ADCY9: variants seen among roughly 807,000 people sequenced by gnomAD.
ADCY9 encodes the protein adenylate cyclase 9.
In ADCY9, 50 loss-of-function variants were observed where a neutral mutation model predicts 101.5. The ratio of observed to expected loss-of-function variants is 0.49; its 90% CI spans 0.39 to 0.62. ADCY9 has a LOEUF of 0.62. Among genes scored for constraint, ADCY9 ranks in the 20% least tolerant of loss-of-function variants. The pLI is 0.00. For synonymous variants in ADCY9, 905 were observed against 769.3 expected (o/e 1.18, Z -2.92); for missense variants, 1,662 against 1,800.4 (o/e 0.92, Z 1.39).
chr16:4,097,551 ATAT>A (rs1469553672), intron 2 of ADCY9, among the ~76,000 whole-genome samples: 5 of 51,034 alleles, frequency 9.8e-5, no homozygotes, highest in African/African-American at 3.2e-4. Context: ...ATATATATAT[ATAT>A]TTTTTTTTTT....
intron 3 of ADCY9, among the ~76,000 whole-genome samples, chr16:3,998,391 A>T (rs2056303894): frequency 6.6e-6 from 1 of 152,070 alleles, no homozygotes; most frequent in Non-Finnish European, 1.5e-5. Context: ...AGACTGGGTC[A>T]TAGAGCAAGA....
At chr16:3,967,331 CTTTTCTTTTTCT>C (rs927574808) in intron 10 of ADCY9, among the ~76,000 whole-genome samples, 3 of 149,036 alleles carry the variant, frequency 2.0e-5, no homozygotes, top group South Asian at 2.1e-4. Flanking sequence ...AATCGTTTTT[CTTTTCTTTTTCT>C]TTTTCTTTTT....
chr16:4,061,509 A>C (rs1397855338), intron 2 of ADCY9, among the ~76,000 whole-genome samples: 1 of 152,212 alleles, frequency 6.6e-6, no homozygotes, highest in Non-Finnish European at 1.5e-5. Context: ...CCATAAGATT[A>C]ACAGCTGACT....
At position 3,992,023 on chromosome 16, in the gene ADCY9, A is replaced by G. The variant is rs922705538; in HGVS notation, c.2207+123T>C. On this transcript the variant is annotated intron_variant, in intron 5 of 10. Coordinates refer to ENST00000294016, the MANE Select transcript of ADCY9 (RefSeq NM_001116.4). This position sits in a 1 kb window ranked among gnomAD's most constrained non-coding sequence, Gnocchi z 4.2. Reference sequence around the variant, plus strand: ...GAGATAGAGGCTGCAGTGAGCCAAGATCGCGCCACTGCACTGCAGCCTGGA... The same window carrying G: ...GAGATAGAGGCTGCAGTGAGCCAAGGTCGCGCCACTGCACTGCAGCCTGGA... 4 of 911,996 alleles carry G rather than the reference A, an allele frequency of 4.4e-6. No individual in the cohort carries two copies. The highest frequency in any genetic ancestry group is 6.6e-6 in the Non-Finnish European group (4 of 609,174). 56.5% of individuals were successfully genotyped at this position (911,996 alleles called of 1,614,324 possible).
intron 2 of ADCY9, among the ~76,000 whole-genome samples, chr16:4,018,257 A>C (rs992025752): frequency 6.4e-5 from 9 of 140,718 alleles, no homozygotes; most frequent in African/African-American, 2.4e-4. Flanking sequence ...TCTGTTGCCC[A>C]GGCAGGAGTG....
intron 2 of ADCY9, among the ~76,000 whole-genome samples, chr16:4,071,205 C>G (rs1261434491): frequency 6.6e-6 from 1 of 151,700 alleles, no homozygotes; most frequent in African/African-American, 2.4e-5. Context: ...TGATCCATGT[C>G]TGTAATCCTA....
intron 2 of ADCY9, chr16:4,032,999 C>T (rs1034317212): frequency 2.6e-5 from 4 of 152,298 alleles, no homozygotes; most frequent in African/African-American, 9.7e-5. Flanking sequence ...CGTGGCAACC[C>T]AATCACAACA....
At chr16:4,101,138 C>T (rs1374267927) in intron 2 of ADCY9, among the ~76,000 whole-genome samples, 1 of 152,188 alleles carries the variant, frequency 6.6e-6, no homozygotes, top group Non-Finnish European at 1.5e-5. Flanking sequence ...CTGGCTCCAC[C>T]ATTTAGTATC....
chr16:4,113,793 A>T lies in ADCY9; in HGVS notation c.1650T>A (p.Val550=), dbSNP rs1420174459. Residue 550 remains valine (V), a synonymous_variant, in exon 2 of 11, where the codon GTT becomes GTA. Coordinates refer to ENST00000294016, the MANE Select transcript of ADCY9 (RefSeq NM_001116.4). Reference sequence around the variant, plus strand: ...CCACGCTCTGGCCCAGCCGTTCAATAACTTTCCCATCTTCCATTTCGTACC... The same window carrying T: ...CCACGCTCTGGCCCAGCCGTTCAATTACTTTCCCATCTTCCATTTCGTACC... ...DDRYEMEDGK[V]IERLGQSVVA... 1.9e-6 allele frequency: 3 copies of T among 1,614,038 alleles called. No homozygotes were observed. The highest frequency in any genetic ancestry group is 2.5e-6 in the Non-Finnish European group (3 of 1,179,932).
chr16:4,004,326 C>T (rs2056352745), intron 3 of ADCY9, among the ~76,000 whole-genome samples: 2 of 151,104 alleles, frequency 1.3e-5, no homozygotes, highest in South Asian at 4.2e-4. Context: ...GACTTCAGGA[C>T]CAAAGCCCTG....
intron 2 of ADCY9, among the ~76,000 whole-genome samples, chr16:4,099,491 T>G (rs943076762): frequency 4.6e-5 from 7 of 152,164 alleles, no homozygotes; most frequent in Non-Finnish European, 4.4e-5. Flanking sequence ...AATAAACATA[T>G]CAGACAAACA....
rs1020776012 is a variant in ADCY9, at chr16:3,966,561, A to G, written c.3276T>C (p.Phe1092=). The stretch of plus-strand genomic sequence containing the variant: ...AGTCCGGCTTGCTTAGGAGCTCGTC[A>G]AAGTCCCCGATGAGCTCGTTGAGGA... ...YRVLNELIGD[F]DELLSKPDYS... Residue 1092 remains phenylalanine, a synonymous_variant, in exon 11 of 11, where the codon TTT becomes TTC. Coordinates refer to ENST00000294016, the MANE Select transcript of ADCY9 (RefSeq NM_001116.4). 8 of 1,614,002 alleles carry G rather than the reference A, an allele frequency of 5.0e-6. No individual in the cohort carries two copies. In the African/African-American group the frequency reaches 6.7e-5, roughly 13 times the overall value.
Position 3,979,182 on chromosome 16 carries a change from G to T in ADCY9, c.2613C>A (p.Ile871=), listed in dbSNP as rs2056119018. 1 of 1,614,148 alleles carries T rather than the reference G, an allele frequency of 6.2e-7. No homozygotes were observed. Among genetic ancestry groups the T allele is most frequent in the East Asian group, 2.2e-5 (1 of 44,886 alleles). Residue 871 remains isoleucine (I), a synonymous_variant, in exon 8 of 11, where the codon ATC becomes ATA. Transcript: ENST00000294016. The part of the protein sequence containing the change: ...GWLPRHCIGA[I]LVSLPALAVY... ...CGGCCAGTGCGGGAAGCGACACCAG[G>T]ATGGCCCCGATGCAGTGACGTGGTA...
downstream of ADCY9, among the ~76,000 whole-genome samples, chr16:3,957,792 G>A (rs1408973381): frequency 6.6e-6 from 1 of 152,092 alleles, no homozygotes; most frequent in South Asian, 2.1e-4. Context: ...AGCAGAGCGG[G>A]GTGTCAGGGC....
At chr16:4,053,388 G>T (rs140511609) in intron 2 of ADCY9, among the ~76,000 whole-genome samples, 1 of 151,136 alleles carries the variant, frequency 6.6e-6, no homozygotes, top group East Asian at 2.0e-4. Context: ...TTCAAATTCA[G>T]TCACTGAGAC....
intron 2 of ADCY9, among the ~76,000 whole-genome samples, chr16:4,025,388 A>AAAG (rs1212373848): frequency 1.3e-5 from 2 of 150,178 alleles, no homozygotes; most frequent in African/African-American, 4.9e-5. Context: ...AAAAAAAAAA[A>AAAG]AAGAAGTGGA....
At chr16:4,055,234 T>C (rs1450884593) in intron 2 of ADCY9, among the ~76,000 whole-genome samples, 4 of 152,142 alleles carry the variant, frequency 2.6e-5, no homozygotes, top group Non-Finnish European at 5.9e-5. Flanking sequence ...GAAAAAGCCT[T>C]TTTAGATGTC....
chr16:3,985,772 C>T (rs1407078802), intron 6 of ADCY9, among the ~76,000 whole-genome samples: 1 of 152,146 alleles, frequency 6.6e-6, no homozygotes, highest in Non-Finnish European at 1.5e-5. Flanking sequence ...CTCCACCTCC[C>T]TTGCAGTCTC....
At chr16:4,089,081 G>C (rs1239056116) in intron 2 of ADCY9, among the ~76,000 whole-genome samples, 1 of 151,860 alleles carries the variant, frequency 6.6e-6, no homozygotes, top group African/African-American at 2.4e-5. Flanking sequence ...ATAAAACGTG[G>C]CATTTGGGTT....
Sources: allele counts gnomAD v4.1 joint callset (sites outside exome capture counted in the v4.1 genomes callset), GRCh38; gene constraint gnomAD v4.1.1; non-coding constraint Gnocchi (gnomAD v3.1); transcripts MANE v1.5; gene names NCBI Gene and HGNC (gene_info 2026-07-23, HGNC 2026-07-21).